The following RAP1GAP variants were observed in gnomAD, a reference collection of about 807,000 sequenced individuals.
The protein encoded by RAP1GAP is RAP1 GTPase activating protein.
RAP1GAP carries 35 observed loss-of-function variants against 87.2 expected under a neutral mutation model. That is an observed-to-expected ratio of 0.40 (90% CI 0.31 to 0.53). The LOEUF is 0.53. RAP1GAP is among the 20% of genes least tolerant of loss of function. The pLI is 0.48. For synonymous variants in RAP1GAP, 375 were observed against 363.9 expected, an observed-to-expected ratio of 1.03 and a Z score of -0.35; for missense variants, 734 against 898.9, an observed-to-expected ratio of 0.82 and a Z score of 2.35.
intron 2 of RAP1GAP, among the ~76,000 whole-genome samples, chr1:21,643,553 T>C (rs1294184004): frequency 1.8e-5 from 2 of 111,708 alleles, no homozygotes; most frequent in African/African-American, 3.8e-5. Context: ...CAAGACTCCG[T>C]CTCAAAAAAA....
At chr1:21,654,925 G>A (rs1304131024) in intron 1 of RAP1GAP, among the ~76,000 whole-genome samples, 1 of 152,182 alleles carries the variant, frequency 6.6e-6, no homozygotes, top group East Asian at 1.9e-4. Flanking sequence ...TAGATCACTT[G>A]AAGTCAGGAG....
At chr1:21,653,296 C>T (rs1206046070) in intron 1 of RAP1GAP, 1 of 152,196 alleles carries the variant, frequency 6.6e-6, no homozygotes, top group Non-Finnish European at 1.5e-5. Context: ...CAGGAGCCCT[C>T]AAGAGCCCCT....
intron 2 of RAP1GAP, among the ~76,000 whole-genome samples, chr1:21,638,686 C>T (rs902546501): frequency 1.8e-4 from 28 of 152,166 alleles, no homozygotes; most frequent in Admixed American, 1.2e-3. Context: ...CTTTTCTGCA[C>T]GGTTTGGATG....
chr1:21,603,338 TG>T lies in RAP1GAP; in HGVS notation c.1429-426del. 1 of 403,086 alleles carries T rather than the reference TG, an allele frequency of 2.5e-6. No homozygotes were observed. The highest frequency in any genetic ancestry group is 4.5e-6 in the Non-Finnish European group (1 of 224,114). The allele number at this position is 403,086 out of a possible 1,614,324, so 25.0% of individuals were successfully genotyped here. On this transcript the variant is annotated intron_variant, in intron 18 of 24. Transcript: ENST00000374765. The surrounding 1 kb of genome is among the most constrained non-coding windows in gnomAD (Gnocchi z 6.0). ...CCCTCCCCGGAACCTCCAAATTGGCTGGGGGAGGTTCTGGCCCAGCAGCTGG... is the reference window on the plus strand; with the variant it reads ...CCCTCCCCGGAACCTCCAAATTGGCTGGGGAGGTTCTGGCCCAGCAGCTGG...
Position 21,622,793 on chromosome 1 carries a change from T to C in RAP1GAP, c.-18-2743A>G, listed in dbSNP as rs1481620038. Reference sequence around the variant, plus strand: ...GCGCCCCCACCTCACTTTCTCCATCTTCCCAGGCTCTGGGTACCCCGCCTC... The same window carrying C: ...GCGCCCCCACCTCACTTTCTCCATCCTCCCAGGCTCTGGGTACCCCGCCTC... On this transcript the variant is annotated intron_variant, in intron 3 of 24. Coordinates refer to ENST00000374765, the MANE Select transcript of RAP1GAP (RefSeq NM_002885.4). This position sits in a 1 kb window ranked among gnomAD's most constrained non-coding sequence, Gnocchi z 5.7. 3 of 152,068 alleles carry C rather than the reference T, an allele frequency of 2.0e-5. No homozygotes were observed. Among genetic ancestry groups the C allele is most frequent in the Non-Finnish European group, 4.4e-5 (3 of 68,018 alleles). 9.4% of individuals were successfully genotyped at this position (152,068 alleles called of 1,614,324 possible). A position where few individuals can be genotyped will look rare whatever the true frequency, so the allele number is the denominator to read the frequency against.
rs2088316692 is a variant in RAP1GAP, at chr1:21,622,099, C to T, written c.-18-2049G>A. 6.6e-6 allele frequency among the ~76,000 whole-genome samples: 1 copy of T among 152,182 alleles called. No homozygotes were observed. Among genetic ancestry groups the T allele is most frequent in the Non-Finnish European group, 1.5e-5 (1 of 68,020 alleles). On this transcript the variant is annotated intron_variant, in intron 3 of 24. Transcript: ENST00000374765. This position sits in a 1 kb window ranked among gnomAD's most constrained non-coding sequence, Gnocchi z 5.7. ...GACGGTAGCACGCACCCACACACAC[C>T]CTGCCGCTGCAGCCCAGAGCCACAG...
intron 1 of RAP1GAP, among the ~76,000 whole-genome samples, chr1:21,659,386 C>T (rs912565944): frequency 1.3e-5 from 2 of 152,208 alleles, no homozygotes; most frequent in African/African-American, 2.4e-5. Context: ...ACAGCGCCCC[C>T]AGTCACCGGC....
At position 21,603,593 on chromosome 1, in the gene RAP1GAP, G is replaced by GGGTCCCAGGGGCCAA; in HGVS notation, c.1429-695_1429-681dup. The GGGTCCCAGGGGCCAA allele has an allele frequency of 3.0e-6, 2 of 674,834 alleles. No individual in the cohort carries two copies. The highest frequency in any genetic ancestry group is 5.4e-6 in the Non-Finnish European group (2 of 371,098). The allele number at this position is 674,834 out of a possible 1,614,324, so 41.8% of individuals were successfully genotyped here. On this transcript the variant is annotated intron_variant, in intron 18 of 24. Coordinates refer to ENST00000374765, the MANE Select transcript of RAP1GAP (RefSeq NM_002885.4). This position sits in a 1 kb window ranked among gnomAD's most constrained non-coding sequence, Gnocchi z 6.0. Reference sequence around the variant, plus strand: ...CCGGATCCTGGCAGGGACTGGGCCAGGGTCCCAGGGGCCAAGGCAGGGCCA... The same window carrying GGGTCCCAGGGGCCAA: ...CCGGATCCTGGCAGGGACTGGGCCAGGGTCCCAGGGGCCAAGGTCCCAGGGGCCAAGGCAGGGCCA...
chr1:21,628,413 A>T (rs2092913215), intron 2 of RAP1GAP, among the ~76,000 whole-genome samples: 1 of 108,140 alleles, frequency 9.2e-6, no homozygotes, highest in Non-Finnish European at 2.2e-5. Flanking sequence ...AAAAAAAAAA[A>T]AAAAAAAAAA....
Position 21,609,580 on chromosome 1 carries a change from T to A in RAP1GAP, c.1066A>T (p.Arg356Trp). 6.4e-7 allele frequency: 1 copy of A among 1,559,470 alleles called. No individual in the cohort carries two copies. Among genetic ancestry groups the A allele is most frequent in the South Asian group, 1.3e-5 (1 of 79,752 alleles). Residue 356 changes from arginine to tryptophan, a missense_variant, in exon 15 of 25, where the codon AGG (arginine) becomes TGG (tryptophan). Around this residue, in one of 2 missense-constraint regions of RAP1GAP, gnomAD observed 485 missense variants for 646.2 expected, o/e 0.75. Transcript: ENST00000374765. This position sits in a 1 kb window ranked among gnomAD's most constrained non-coding sequence, Gnocchi z 4.4. The part of the protein sequence containing the change: ...GPPLPDPAVF[R>W]KGPEFQEFLL... ...ACTGGGGGGGTGCCCCTCACCTTCC[T>A]GAACACAGCGGGGTCCGGGAGGGGG...
At position 21,613,572 on chromosome 1, in the gene RAP1GAP, C is replaced by T. The variant is rs2079852701; in HGVS notation, c.474+56G>A. ...GACGCGCCAAGGCAAGCTGAAGCCC[C>T]ACAGGTGCCCATCTGCGGAGCCAGC... On this transcript the variant is annotated intron_variant, in intron 9 of 24. Transcript: ENST00000374765. This position sits in a 1 kb window ranked among gnomAD's most constrained non-coding sequence, Gnocchi z 4.7. The T allele has an allele frequency of 6.7e-7, 1 of 1,499,652 alleles. No individual in the cohort carries two copies. The highest frequency in any genetic ancestry group is 1.4e-5 in the African/African-American group (1 of 72,294). 92.9% of individuals were successfully genotyped at this position (1,499,652 alleles called of 1,614,324 possible).
rs1178255521 is a variant in RAP1GAP at position 21,668,797 on chromosome 1, C to G, written c.-149+457G>C. The stretch of plus-strand genomic sequence containing the variant: ...GCTCAGGGTCCTTGATCTGAGGCCC[C>G]CACTTCCCTCCTCTGAGGACAGGAG... On this transcript the variant is annotated intron_variant, in intron 1 of 24. Transcript: ENST00000374765. This position sits in a 1 kb window ranked among gnomAD's most constrained non-coding sequence, Gnocchi z 6.2. Among the ~76,000 whole-genome samples, 2 of 152,042 alleles carry G rather than the reference C, an allele frequency of 1.3e-5. No individual in the cohort carries two copies. Among genetic ancestry groups the G allele is most frequent in the African/African-American group, 4.8e-5 (2 of 41,426 alleles).
Position 21,626,332 on chromosome 1 carries a change from G to A in RAP1GAP, c.-47C>T. 1.9e-6 allele frequency: 3 copies of A among 1,611,762 alleles called. No individual in the cohort carries two copies. The East Asian group carries it at 6.7e-5, about 36-fold the overall frequency. ...AGGGTAGAGTGAAGGAGTATAGGAG[G>A]GAACTAAGTTCACTCGTGACAGGTC... On this transcript the variant is annotated 5_prime_UTR_variant, in exon 3 of 25. Coordinates refer to ENST00000374765, the MANE Select transcript of RAP1GAP (RefSeq NM_002885.4).
intron 13 of RAP1GAP, 138 bp downstream of exon 13, chr1:21,611,314 C>T (rs1256281): frequency 8.1e-7 from 1 of 1,241,176 alleles, no homozygotes; most frequent in Non-Finnish European, 1.1e-6. Context: ...CCCAACGAGA[C>T]CCCACAAGTG....
intron 1 of RAP1GAP, among the ~76,000 whole-genome samples, chr1:21,667,977 G>A (rs74605445): frequency 0.011 from 1,751 of 152,270 alleles, 38 homozygotes; most frequent in African/African-American, 0.04. Context: ...GGAATGGGGG[G>A]CCCCCATGGC....
intron 18 of RAP1GAP, among the ~76,000 whole-genome samples, chr1:21,605,609 A>C (rs2073923832): frequency 6.6e-6 from 1 of 151,702 alleles, no homozygotes; most frequent in African/African-American, 2.4e-5. Context: ...CACAGAGTGC[A>C]TGTCCACACA....
In RAP1GAP at chr1:21,611,512, G is replaced by A. The variant is rs1185718892; in HGVS notation, c.783C>T (p.Asn261=). ...TGGACACGTGAAACATGATCTCCTT[G>A]TTGCGGAAGTTGCAGTACACAGATT... is the stretch of plus-strand genomic sequence containing the variant. The part of the protein sequence containing the change: ...GTESVYCNFR[N]KEIMFHVSTK... Residue 261 remains asparagine, a synonymous_variant, in exon 13 of 25, where the codon AAC becomes AAT. Coordinates refer to ENST00000374765, the MANE Select transcript of RAP1GAP (RefSeq NM_002885.4). The A allele has an allele frequency of 1.9e-6, 3 of 1,614,210 alleles. No individual in the cohort carries two copies. The highest frequency in any genetic ancestry group is 2.5e-6 in the Non-Finnish European group (3 of 1,180,044).
At chr1:21,658,709 C>T (rs2096964477) in intron 1 of RAP1GAP, among the ~76,000 whole-genome samples, 1 of 152,034 alleles carries the variant, frequency 6.6e-6, no homozygotes, top group Non-Finnish European at 1.5e-5. Context: ...AGCAAGACTC[C>T]ATCTCTATTA....
At chr1:21,604,204 G>C (rs1464778342) in intron 18 of RAP1GAP, among the ~76,000 whole-genome samples, 1 of 152,048 alleles carries the variant, frequency 6.6e-6, no homozygotes, top group African/African-American at 2.4e-5. Flanking sequence ...GATGGGCACA[G>C]AGGGAAATCC....
Sources: allele counts gnomAD v4.1 joint callset (sites outside exome capture counted in the v4.1 genomes callset), GRCh38; gene constraint gnomAD v4.1.1; regional missense constraint gnomAD v4.1.1; non-coding constraint Gnocchi (gnomAD v3.1); transcripts MANE v1.5; gene names NCBI Gene and HGNC (gene_info 2026-07-23, HGNC 2026-07-21).